GGPS1: variants seen among roughly 807,000 people sequenced by gnomAD.
The protein encoded by GGPS1 is geranylgeranyl pyrophosphate synthase.
A neutral mutation model predicts 28.1 loss-of-function variants in GGPS1; 15 were observed. The observed-to-expected ratio is 0.53, with a 90% CI of 0.36 to 0.82. GGPS1 has a LOEUF of 0.82. Ranked by LOEUF, GGPS1 falls within the 40% of genes least tolerant of loss-of-function variation. The probability of loss-of-function intolerance (pLI) is 0.01; values close to 1 mark genes in which losing one functional copy is unlikely to be tolerated. For synonymous variants in GGPS1, 138 were observed against 122.4 expected (o/e 1.13, Z -0.84); for missense variants, 284 against 348.3 (o/e 0.82, Z 1.47).
intron 2 of GGPS1, among the ~76,000 whole-genome samples, chr1:235,339,183 C>T (rs1471661984): frequency 6.6e-6 from 1 of 151,992 alleles, no homozygotes; most frequent in Non-Finnish European, 1.5e-5. Context: ...ACTGTAATCC[C>T]AGCTACTCAG....
At chr1:235,341,836 A>G (rs984608621) in intron 3 of GGPS1, 58 bp downstream of exon 3, 9 of 1,052,834 alleles carry the variant, frequency 8.5e-6, no homozygotes, top group Non-Finnish European at 1.3e-5. Flanking sequence ...TCGCATAAAA[A>G]TATTCCTAGT....
At chr1:235,339,804 T>C (rs1675977501) in intron 2 of GGPS1, among the ~76,000 whole-genome samples, 1 of 152,024 alleles carries the variant, frequency 6.6e-6, no homozygotes, top group South Asian at 2.1e-4. Flanking sequence ...TAACTTTTTA[T>C]GTAACCATTT....
At chr1:235,340,641 C>T (rs1484752279) in intron 2 of GGPS1, among the ~76,000 whole-genome samples, 2 of 140,008 alleles carry the variant, frequency 1.4e-5, no homozygotes, top group African/African-American at 5.4e-5. Context: ...GAGGCTGAGG[C>T]AGGAGAATGG....
At chr1:235,333,066 T>TAA (rs1403073527) in intron 1 of GGPS1, among the ~76,000 whole-genome samples, 1 of 46,920 alleles carries the variant, frequency 2.1e-5, no homozygotes, top group African/African-American at 1.2e-4. Context: ...AGACTCCGTC[T>TAA]CAAAAAAAAA....
chr1:235,333,877 G>A (rs1675792279), intron 1 of GGPS1, among the ~76,000 whole-genome samples: 1 of 152,144 alleles, frequency 6.6e-6, no homozygotes, highest in African/African-American at 2.4e-5. Context: ...GTCCCAAGAA[G>A]CAAAAGAAAG....
upstream of GGPS1, chr1:235,327,551 C>A (rs988459015): frequency 7.9e-5 from 12 of 152,200 alleles, no homozygotes; most frequent in African/African-American, 2.9e-4. Context: ...CCCGGGCCCC[C>A]GACCGCGGCC....
rs57621540 is a variant in GGPS1 at position 235,344,152 on chromosome 1, A to C, written c.*1380A>C. The C allele has an allele frequency of 4.9e-3, 500 of 101,610 alleles. 2 individuals carry two copies. The highest frequency in any genetic ancestry group is 0.029 in the African/African-American group (470 of 16,094). The allele number at this position is 101,610 out of a possible 1,614,324, so 6.3% of individuals were successfully genotyped here. ...TCATCTGTGGCCCAAGAGGTAGGAC[A>C]AAAAAAAAAAAAAAAAAAGCTGATT... On this transcript the variant is annotated 3_prime_UTR_variant, in exon 4 of 4. Transcript: ENST00000282841.
At chr1:235,332,311 G>A (rs1188561694) in intron 1 of GGPS1, among the ~76,000 whole-genome samples, 1 of 152,130 alleles carries the variant, frequency 6.6e-6, no homozygotes, top group Non-Finnish European at 1.5e-5. Context: ...ATTTATAATT[G>A]AGAAGATGTA....
rs201678999 is a variant in GGPS1 at position 235,342,058 on chromosome 1, C to G, written c.189C>G (p.Ile63Met). The G allele has an allele frequency of 9.4e-6, 15 of 1,603,910 alleles. No homozygotes were observed. The highest frequency in any genetic ancestry group is 1.3e-5 in the Non-Finnish European group (15 of 1,174,156). The stretch of plus-strand genomic sequence containing the variant: ...TGTTGCATAATGCCAGTTTACTCAT[C>G]GATGATATTGAAGACAACTCAAAAC... Reference protein sequence around the residue: ...TEMLHNASLLIDDIEDNSKLR... With the variant: ...TEMLHNASLLMDDIEDNSKLR... The change falls in exon 4 of 4, where the codon ATC becomes ATG. Residue 63 changes from isoleucine to methionine, a missense_variant. Transcript: ENST00000282841.
chr1:235,330,895 A>G (rs1675692386), intron 1 of GGPS1, among the ~76,000 whole-genome samples: 1 of 152,238 alleles, frequency 6.6e-6, no homozygotes, highest in South Asian at 2.1e-4. Context: ...AGATACTAAC[A>G]TTTAAATAGA....
intron 2 of GGPS1, among the ~76,000 whole-genome samples, chr1:235,340,793 T>C (rs1676020345): frequency 6.9e-6 from 1 of 145,344 alleles, no homozygotes; most frequent in Non-Finnish European, 1.5e-5. Flanking sequence ...GAAAAATAGA[T>C]GTCCCTAGTC....
chr1:235,341,584 T>C (rs1676047019), intron 2 of GGPS1, 124 bp from the exon 3 acceptor site: 1 of 700,554 alleles, frequency 1.4e-6, no homozygotes, highest in Admixed American at 2.4e-5. Flanking sequence ...AGGTAATGGA[T>C]TGATGAGGCT....
chr1:235,340,545 G>GC (rs762644143), intron 2 of GGPS1, among the ~76,000 whole-genome samples: 1 of 150,784 alleles, frequency 6.6e-6, no homozygotes, highest in Non-Finnish European at 1.5e-5. Flanking sequence ...GACCATCCTG[G>GC]CTAACACGGT....
chr1:235,330,959 C>A (rs1376206093), intron 1 of GGPS1, among the ~76,000 whole-genome samples: 2 of 152,166 alleles, frequency 1.3e-5, no homozygotes, highest in African/African-American at 4.8e-5. Context: ...CGATAATAAT[C>A]TTTTAGCTAA....
At position 235,332,275 on chromosome 1, in the gene GGPS1, C is replaced by T. The variant is rs200524254; in HGVS notation, c.-23-2967C>T. ...TTGTCTATCATTCCACACTCCATGT[C>T]CATGTATACACATTATCTAGCTCCC... is the stretch of plus-strand genomic sequence containing the variant. On this transcript the variant is annotated intron_variant, in intron 1 of 3. Coordinates refer to ENST00000282841, the MANE Select transcript of GGPS1 (RefSeq NM_004837.4). Among the ~76,000 whole-genome samples, 18 of 152,302 alleles carry T rather than the reference C, an allele frequency of 1.2e-4. No individual in the cohort carries two copies. In the East Asian group the frequency reaches 2.9e-3, roughly 24 times the overall value.
At position 235,331,547 on chromosome 1, in the gene GGPS1, T is replaced by A. The variant is rs1572266849; in HGVS notation, c.-24+2769T>A. On this transcript the variant is annotated intron_variant, in intron 1 of 3. Coordinates refer to ENST00000282841, the MANE Select transcript of GGPS1 (RefSeq NM_004837.4). The stretch of plus-strand genomic sequence containing the variant: ...GGTACGTGTAAACATTCAGGGACTA[T>A]ATGATCTCTGAGAATTTGTATGTTG... 2.0e-5 allele frequency among the ~76,000 whole-genome samples: 3 copies of A among 152,240 alleles called. No individual in the cohort carries two copies. The Middle Eastern group carries it at 0.01, about 518-fold the overall frequency.
chr1:235,335,682 G>A (rs1490558238), intron 2 of GGPS1, among the ~76,000 whole-genome samples: 1 of 152,060 alleles, frequency 6.6e-6, no homozygotes, highest in Non-Finnish European at 1.5e-5. Context: ...AAAAAGAAAC[G>A]TAATTTTTGA....
At position 235,342,103 on chromosome 1, in the gene GGPS1, G is replaced by A; in HGVS notation, c.234G>A (p.Val78=). Reference sequence around the variant, plus strand: ...CAAAACTCCGACGTGGCTTTCCAGTGGCCCACAGCATCTATGGAATCCCAT... The same window carrying A: ...CAAAACTCCGACGTGGCTTTCCAGTAGCCCACAGCATCTATGGAATCCCAT... ...DNSKLRRGFP[V]AHSIYGIPSV... is the part of the protein sequence containing the mutation. Residue 78 remains valine (V), a synonymous_variant, in exon 4 of 4, where the codon GTG becomes GTA. Coordinates refer to ENST00000282841, the MANE Select transcript of GGPS1 (RefSeq NM_004837.4). 6.2e-7 allele frequency: 1 copy of A among 1,613,666 alleles called. No homozygotes were observed.
At chr1:235,334,761 C>G (rs564331232) in intron 1 of GGPS1, among the ~76,000 whole-genome samples, 1 of 152,178 alleles carries the variant, frequency 6.6e-6, no homozygotes, top group East Asian at 1.9e-4. Flanking sequence ...TTTTTTGAGA[C>G]TGGAGTCACT....
Sources: gnomAD v4.1 joint callset for allele counts (sites outside exome capture counted in the v4.1 genomes callset) on GRCh38, gnomAD v4.1.1 for gene constraint, MANE v1.5 for transcripts, NCBI Gene and HGNC (gene_info 2026-07-23, HGNC 2026-07-21) for gene names.